FAM222B: variants seen among roughly 807,000 people sequenced by gnomAD.
The protein encoded by FAM222B is protein FAM222B.
In FAM222B, 12 loss-of-function variants were observed where a neutral mutation model predicts 38.0. The ratio of observed to expected loss-of-function variants is 0.32; its 90% CI spans 0.20 to 0.51. The LOEUF (loss-of-function observed/expected upper bound fraction) is 0.51, where lower values mean the gene tolerates loss of function less well. Among genes scored for constraint, FAM222B ranks in the 20% least tolerant of loss-of-function variants. The pLI is 0.97. For missense variants in FAM222B, 716 were observed against 754.2 expected, an observed-to-expected ratio of 0.95 and a Z score of 0.59; for synonymous variants, 329 against 317.2, an observed-to-expected ratio of 1.04 and a Z score of -0.40.
chr17:28,839,510 G>A (rs890924708), intron 1 of FAM222B, among the ~76,000 whole-genome samples: 1 of 152,130 alleles, frequency 6.6e-6, no homozygotes, highest in Non-Finnish European at 1.5e-5. Context: ...CATAACATGG[G>A]TGGCATTTAT....
At chr17:28,853,528 T>C (rs939316141) in intron 1 of FAM222B, among the ~76,000 whole-genome samples, 2 of 152,204 alleles carry the variant, frequency 1.3e-5, no homozygotes, top group African/African-American at 2.4e-5. Context: ...CTTTAAGTCA[T>C]CTTAAAGTCT....
At chr17:28,818,467 G>A (rs1180028424) in intron 1 of FAM222B, among the ~76,000 whole-genome samples, 2 of 151,460 alleles carry the variant, frequency 1.3e-5, no homozygotes, top group African/African-American at 4.9e-5. Flanking sequence ...GGCGGAGCTT[G>A]CAGTCAGCCG....
chr17:28,802,023 AAAAAAG>A (rs1442293378), intron 1 of FAM222B, among the ~76,000 whole-genome samples: 3 of 151,830 alleles, frequency 2.0e-5, no homozygotes, highest in Non-Finnish European at 2.9e-5. Context: ...AAAAAAAAGA[AAAAAAG>A]AAAAAGAAAA....
intron 1 of FAM222B, among the ~76,000 whole-genome samples, chr17:28,807,065 G>T (rs536153982): frequency 3.8e-4 from 58 of 151,384 alleles, no homozygotes; most frequent in African/African-American, 1.4e-3. Flanking sequence ...GCCCAGGCTG[G>T]AGTGCAATGG....
At chr17:28,816,669 G>C (rs2038037345) in intron 1 of FAM222B, among the ~76,000 whole-genome samples, 1 of 151,702 alleles carries the variant, frequency 6.6e-6, no homozygotes, top group South Asian at 2.1e-4. Flanking sequence ...CACCCGAAAA[G>C]AAGGCAAACA....
intron 1 of FAM222B, among the ~76,000 whole-genome samples, chr17:28,770,570 T>A (rs2035577348): frequency 6.7e-6 from 1 of 148,408 alleles, no homozygotes; most frequent in South Asian, 2.1e-4. Context: ...GCCCAGCTAA[T>A]ATTTTTTTTT....
chr17:28,828,367 ACC>A (rs2038519741), intron 1 of FAM222B, among the ~76,000 whole-genome samples: 1 of 151,418 alleles, frequency 6.6e-6, no homozygotes, highest in Non-Finnish European at 1.5e-5. Flanking sequence ...GTTCACGACC[ACC>A]CTGGGCAACA....
rs2037170862 is a variant in FAM222B, at chr17:28,800,578, A to G, written c.-40-33871T>C. Reference sequence around the variant, plus strand: ...TTGGAGAAGAGGCAAAAATAAAAATATATCTGGCTGAAAAAGCTGCCTTTT... The same window carrying G: ...TTGGAGAAGAGGCAAAAATAAAAATGTATCTGGCTGAAAAAGCTGCCTTTT... On this transcript the variant is annotated intron_variant, in intron 1 of 2. Transcript: ENST00000581407. 2.0e-5 allele frequency among the ~76,000 whole-genome samples: 3 copies of G among 152,178 alleles called. No individual in the cohort carries two copies. In the South Asian group the frequency reaches 6.2e-4, roughly 31 times the overall value.
At chr17:28,793,095 C>A (rs1055061523) in intron 1 of FAM222B, among the ~76,000 whole-genome samples, 2 of 152,006 alleles carry the variant, frequency 1.3e-5, no homozygotes, top group Non-Finnish European at 2.9e-5. Context: ...ACCACCACAC[C>A]TGGCTAATTT....
At chr17:28,825,073 T>C (rs2038388927) in intron 1 of FAM222B, among the ~76,000 whole-genome samples, 1 of 150,238 alleles carries the variant, frequency 6.7e-6, no homozygotes, top group South Asian at 2.2e-4. Context: ...CTACAATCCA[T>C]TTCTAACATA....
At chr17:28,852,367 G>A (rs560026732) in intron 1 of FAM222B, among the ~76,000 whole-genome samples, 1 of 151,648 alleles carries the variant, frequency 6.6e-6, no homozygotes, top group Non-Finnish European at 1.5e-5. Flanking sequence ...AAAAAAAAAT[G>A]TTCAGGCCAG....
At chr17:28,837,254 C>G (rs1387017545) in intron 1 of FAM222B, among the ~76,000 whole-genome samples, 1 of 151,986 alleles carries the variant, frequency 6.6e-6, no homozygotes, top group Non-Finnish European at 1.5e-5. Context: ...CACAGTGAAA[C>G]CTCGTGTCTA....
intron 1 of FAM222B, among the ~76,000 whole-genome samples, chr17:28,775,657 G>T (rs2035853762): frequency 6.6e-6 from 1 of 151,516 alleles, no homozygotes; most frequent in Non-Finnish European, 1.5e-5. Flanking sequence ...GAGGTGCGTG[G>T]ATCACTTGAG....
intron 1 of FAM222B, among the ~76,000 whole-genome samples, chr17:28,848,257 T>C (rs1380349473): frequency 2.0e-5 from 3 of 152,124 alleles, no homozygotes; most frequent in African/African-American, 7.2e-5. Context: ...CCCTGGGTTA[T>C]GTGCCCATCT....
At chr17:28,793,716 T>A (rs1258389493) in intron 1 of FAM222B, among the ~76,000 whole-genome samples, 1 of 152,008 alleles carries the variant, frequency 6.6e-6, no homozygotes, top group Admixed American at 6.6e-5. Flanking sequence ...TTAAAATGCA[T>A]TGTCATATTC....
chr17:28,816,079 C>T (rs1214424014), intron 1 of FAM222B, among the ~76,000 whole-genome samples: 3 of 151,700 alleles, frequency 2.0e-5, no homozygotes, highest in Admixed American at 2.0e-4. Context: ...GATTCAAAAC[C>T]AGCCTGGCCA....
chr17:28,828,016 G>T (rs1452697351), intron 1 of FAM222B, among the ~76,000 whole-genome samples: 1 of 146,146 alleles, frequency 6.8e-6, no homozygotes, highest in Non-Finnish European at 1.5e-5. Context: ...AGATTTAGGA[G>T]AACTTCAACA....
chr17:28,835,180 G>T (rs1178742495), intron 1 of FAM222B, among the ~76,000 whole-genome samples: 11 of 151,970 alleles, frequency 7.2e-5, no homozygotes. Flanking sequence ...GAGTAGCTGG[G>T]ATTACAGGCA....
chr17:28,805,333 G>A (rs989124072), intron 1 of FAM222B, among the ~76,000 whole-genome samples: 2 of 152,160 alleles, frequency 1.3e-5, no homozygotes, highest in South Asian at 4.1e-4. Context: ...CCAGAAGTTC[G>A]AGACCAACCT....
Sources: gnomAD v4.1 joint callset for allele counts (sites outside exome capture counted in the v4.1 genomes callset) on GRCh38, gnomAD v4.1.1 for gene constraint, MANE v1.5 for transcripts, NCBI Gene and HGNC (gene_info 2026-07-23, HGNC 2026-07-21) for gene names.